Variants in ATXN7 observed in about 807,000 individuals in gnomAD.
ATXN7 encodes the protein ataxin-7.
Under a neutral mutation model 70.5 loss-of-function variants are expected in ATXN7, and 12 were observed. The observed-to-expected ratio is 0.17, with a 90% CI of 0.11 to 0.28. The LOEUF (loss-of-function observed/expected upper bound fraction) is 0.28. ATXN7 is among the 10% of genes least tolerant of loss of function. The pLI is 1.00. For missense variants in ATXN7, 1,256 were observed against 1,131.7 expected (o/e 1.11, Z -1.58); for synonymous variants, 498 against 448.7 (o/e 1.11, Z -1.39).
chr3:63,864,264 G>A (rs1340862208), intron 1 of ATXN7, among the ~76,000 whole-genome samples, 106 bp downstream of exon 1: 1 of 151,272 alleles, frequency 6.6e-6, no homozygotes, highest in African/African-American at 2.4e-5. Context: ...CTGCGGCCCC[G>A]CCGCCCCATC....
intron 4 of ATXN7, among the ~76,000 whole-genome samples, chr3:63,941,464 A>G (rs895920997): frequency 6.6e-6 from 1 of 152,136 alleles, no homozygotes; most frequent in African/African-American, 2.4e-5. Context: ...AATCTAACTA[A>G]TGTCTGATTA....
chr3:63,993,108 G>T (rs1321222305), intron 11 of ATXN7, among the ~76,000 whole-genome samples: 1 of 152,162 alleles, frequency 6.6e-6, no homozygotes, highest in Non-Finnish European at 1.5e-5. Flanking sequence ...TCTCAGGCCA[G>T]TGGTGAAATT....
intron 1 of ATXN7, among the ~76,000 whole-genome samples, chr3:63,877,336 A>C (rs1185164156): frequency 6.6e-6 from 1 of 152,234 alleles, no homozygotes; most frequent in East Asian, 1.9e-4. Context: ...TATCACTATT[A>C]ACATTTTATG....
chr3:63,988,543 G>C (rs2075615578), intron 9 of ATXN7: 1 of 601,888 alleles, frequency 1.7e-6, no homozygotes, highest in African/African-American at 1.9e-5. Flanking sequence ...GCAAAATAAA[G>C]CTAGAGTTAT....
chr3:63,896,492 G>A (rs921629871), intron 1 of ATXN7, among the ~76,000 whole-genome samples: 7 of 152,110 alleles, frequency 4.6e-5, no homozygotes, highest in Non-Finnish European at 8.8e-5. Flanking sequence ...CCAAAGGCCC[G>A]GATTCTAGTT....
intron 1 of ATXN7, among the ~76,000 whole-genome samples, chr3:63,897,995 T>A (rs704361): frequency 2.0e-5 from 3 of 152,054 alleles, no homozygotes; most frequent in East Asian, 1.9e-4. Context: ...GAACGACAGC[T>A]TGAGCTCTCC....
intron 1 of ATXN7, among the ~76,000 whole-genome samples, chr3:63,884,047 G>A (rs1702997234): frequency 6.6e-6 from 1 of 152,098 alleles, no homozygotes; most frequent in Non-Finnish European, 1.5e-5. Flanking sequence ...AGTAGTTCAT[G>A]TAGAAATTTT....
chr3:63,959,841 A>G (rs922016968), intron 5 of ATXN7, among the ~76,000 whole-genome samples: 1 of 152,194 alleles, frequency 6.6e-6, no homozygotes, highest in African/African-American at 2.4e-5. Flanking sequence ...TTAGAAAGGA[A>G]TTAAACTAGC....
chr3:63,910,608 A>T (rs775085599), intron 2 of ATXN7, among the ~76,000 whole-genome samples: 40 of 152,242 alleles, frequency 2.6e-4, no homozygotes, highest in Non-Finnish European at 5.4e-4. Context: ...CAAGGGAATT[A>T]TATGTTTTAC....
chr3:63,915,607 C>G (rs1042801851), intron 4 of ATXN7, among the ~76,000 whole-genome samples: 2 of 151,978 alleles, frequency 1.3e-5, no homozygotes, highest in African/African-American at 4.8e-5. Flanking sequence ...ATACTGATTC[C>G]TCTTGTTAAA....
At chr3:63,993,176 A>G (rs17069616) in intron 11 of ATXN7, among the ~76,000 whole-genome samples, 3,568 of 151,724 alleles carry the variant, frequency 0.024, 67 homozygotes, top group South Asian at 0.072. Context: ...CCCACCTTCT[A>G]TGATTTCTGT....
At chr3:63,863,407 C>G (rs1702282835), upstream of ATXN7, 3 of 1,061,648 alleles carry the variant, frequency 2.8e-6, no homozygotes, top group South Asian at 9.1e-5. Context: ...CCTAGACAAA[C>G]CCGGACTCCC....
intron 4 of ATXN7, among the ~76,000 whole-genome samples, chr3:63,928,517 A>C (rs927534780): frequency 3.9e-5 from 6 of 152,214 alleles, no homozygotes; most frequent in African/African-American, 1.4e-4. Flanking sequence ...AGTAGCTCTC[A>C]TTCTTTGAGC....
chr3:63,914,348 G>T (rs986488001), intron 4 of ATXN7, among the ~76,000 whole-genome samples: 10 of 152,178 alleles, frequency 6.6e-5, no homozygotes, highest in African/African-American at 2.2e-4. Context: ...CGGAGGAAGA[G>T]TAATACCAGT....
intron 5 of ATXN7, among the ~76,000 whole-genome samples, chr3:63,952,835 CTTTTTTTTTTTTTTTT>C (rs59256288): frequency 1.8e-4 from 9 of 49,164 alleles, no homozygotes; most frequent in South Asian, 6.5e-4. Flanking sequence ...ATGCATGGGC[CTTTTTTTTTTTTTTTT>C]TTTTTTTTTT....
At chr3:63,944,813 A>G (rs952041260) in intron 4 of ATXN7, among the ~76,000 whole-genome samples, 1 of 151,878 alleles carries the variant, frequency 6.6e-6, no homozygotes, top group Admixed American at 6.6e-5. Flanking sequence ...TTTGTTTGAG[A>G]CAGAATCTTG....
At position 63,918,228 on chromosome 3, in the gene ATXN7, C is replaced by G. The variant is rs144498609; in HGVS notation, c.394+5003C>G. Among the ~76,000 whole-genome samples the G allele has an allele frequency of 3.3e-5, 5 of 152,182 alleles. No homozygotes were observed. In the East Asian group the frequency reaches 9.7e-4, roughly 29 times the overall value. Reference sequence around the variant, plus strand: ...AACAGGCTTGCTAGGAGTTGGATAGCCTCAGTAAACACAGACTGAGTCAAC... The same window carrying G: ...AACAGGCTTGCTAGGAGTTGGATAGGCTCAGTAAACACAGACTGAGTCAAC... On this transcript the variant is annotated intron_variant, in intron 4 of 12. Transcript: ENST00000674280.
chr3:63,881,935 T>A (rs1330792732), intron 1 of ATXN7, among the ~76,000 whole-genome samples: 1 of 152,188 alleles, frequency 6.6e-6, no homozygotes, highest in Non-Finnish European at 1.5e-5. Flanking sequence ...TTTTATTTGT[T>A]GAAAATACTT....
chr3:63,954,095 C>T (rs748487195), intron 5 of ATXN7, among the ~76,000 whole-genome samples: 30 of 152,172 alleles, frequency 2.0e-4, no homozygotes, highest in Non-Finnish European at 3.7e-4. Flanking sequence ...TCTTTGAGTT[C>T]CTGCTTCTAG....
Sources: gnomAD v4.1 joint callset for allele counts (sites outside exome capture counted in the v4.1 genomes callset) on GRCh38, gnomAD v4.1.1 for gene constraint, MANE v1.5 for transcripts, NCBI Gene and HGNC (gene_info 2026-07-23, HGNC 2026-07-21) for gene names.